Variants in KANK1 observed in about 807,000 individuals in gnomAD.
KANK1 encodes KN motif and ankyrin repeat domain-containing protein 1.
In KANK1, 109 loss-of-function variants were observed where a neutral mutation model predicts 106.2. The ratio of observed to expected loss-of-function variants is 1.03; its 90% CI spans 0.88 to 1.20. The LOEUF (loss-of-function observed/expected upper bound fraction) is 1.20. Among genes scored for constraint, KANK1 ranks in the 50% most tolerant of loss-of-function variants. The probability of loss-of-function intolerance (pLI) is 0.00; values close to 1 mark genes in which losing one functional copy is unlikely to be tolerated. For missense variants in KANK1, 2,399 were observed against 1,710.7 expected (o/e 1.40, Z -7.10); for synonymous variants, 873 against 652.2 (o/e 1.34, Z -5.16).
chr9:609,503 CCCTTAGTCCCG>C (rs1244318054), intron 1 of KANK1, among the ~76,000 whole-genome samples: 1 of 151,844 alleles, frequency 6.6e-6, no homozygotes, highest in Non-Finnish European at 1.5e-5. Context: ...GTGGCGTGCA[CCCTTAGTCCCG>C]GCTACTCAAA....
At chr9:478,628 A>G (rs978155134) in intron 3 of KANK1, among the ~76,000 whole-genome samples, 1 of 152,150 alleles carries the variant, frequency 6.6e-6, no homozygotes, top group African/African-American at 2.4e-5. Flanking sequence ...TTCTCACAAC[A>G]CTGCCACCCC....
intron 2 of KANK1, among the ~76,000 whole-genome samples, chr9:704,713 G>A (rs894199341): frequency 2.6e-5 from 4 of 152,134 alleles, no homozygotes; most frequent in African/African-American, 9.7e-5. Flanking sequence ...AGGTATAGTG[G>A]CTTACACCTG....
chr9:744,463 T>C (rs774703053), intron 10 of KANK1, 28 bp from the exon 11 acceptor site: 22 of 1,600,606 alleles, frequency 1.4e-5, no homozygotes, highest in South Asian at 1.0e-4. Flanking sequence ...AAACCCAACA[T>C]GGCTTGTTCT....
chr9:590,954 A>G (rs771883415), intron 1 of KANK1, among the ~76,000 whole-genome samples: 2 of 151,886 alleles, frequency 1.3e-5, no homozygotes, highest in Non-Finnish European at 2.9e-5. Flanking sequence ...CATCACCAGT[A>G]TGCGAGAGGT....
At chr9:568,503 T>G (rs918893972) in intron 1 of KANK1, among the ~76,000 whole-genome samples, 1 of 152,066 alleles carries the variant, frequency 6.6e-6, no homozygotes, top group African/African-American at 2.4e-5. Flanking sequence ...CAGGCTGGAG[T>G]GCAGTGGCAT....
chr9:738,350 A>G lies in KANK1; in HGVS notation c.3399A>G (p.Pro1133=), dbSNP rs544956324. The G allele has an allele frequency of 5.0e-6, 8 of 1,614,164 alleles. No homozygotes were observed. Among genetic ancestry groups the G allele is most frequent in the Non-Finnish European group, 5.9e-6 (7 of 1,180,032 alleles). Residue 1133 remains proline, a synonymous_variant, in exon 8 of 12, where the codon CCA becomes CCG. Transcript: ENST00000382297. The part of the protein sequence containing the change: ...FRVSSQKSAI[P]AMVGDYIAAF... ...TGTCCAGTCAGAAGTCAGCCATTCC[A>G]GCCATGGTGGGGGACTACATAGCTG...
At chr9:561,837 G>A (rs1318300194) in intron 1 of KANK1, among the ~76,000 whole-genome samples, 2 of 152,184 alleles carry the variant, frequency 1.3e-5, no homozygotes, top group African/African-American at 4.8e-5. Context: ...ACTGTCAAGA[G>A]TCTGTAACAG....
chr9:580,318 C>G (rs927606012), intron 1 of KANK1, among the ~76,000 whole-genome samples: 6 of 152,080 alleles, frequency 3.9e-5, no homozygotes, highest in African/African-American at 9.7e-5. Flanking sequence ...AGCGCGGACC[C>G]GAAGAGTGAG....
At chr9:542,116 A>G (rs576408733) in intron 1 of KANK1, among the ~76,000 whole-genome samples, 8 of 152,238 alleles carry the variant, frequency 5.3e-5, no homozygotes, top group African/African-American at 1.9e-4. Flanking sequence ...AGAGGACCTT[A>G]ATAGAAATTT....
intron 1 of KANK1, among the ~76,000 whole-genome samples, chr9:621,506 A>G (rs142703455): frequency 6.6e-6 from 1 of 152,298 alleles, no homozygotes; most frequent in Non-Finnish European, 1.5e-5. Flanking sequence ...CCACACATAC[A>G]AAAGCCTTTG....
At chr9:709,704 C>G (rs765322266) in intron 2 of KANK1, among the ~76,000 whole-genome samples, 12 of 151,552 alleles carry the variant, frequency 7.9e-5, no homozygotes, top group Non-Finnish European at 1.3e-4. Context: ...CAACCTCCAC[C>G]TCCTGGATTC....
intron 2 of KANK1, among the ~76,000 whole-genome samples, chr9:472,224 C>G (rs1486164006): frequency 6.6e-6 from 1 of 152,202 alleles, no homozygotes; most frequent in Admixed American, 6.5e-5. Context: ...GACCAGTTTC[C>G]CTGACCTCCC....
intron 3 of KANK1, among the ~76,000 whole-genome samples, chr9:717,101 ATG>A (rs1325775576): frequency 6.6e-6 from 1 of 152,080 alleles, no homozygotes; most frequent in Admixed American, 6.6e-5. Context: ...CCTGGGCAAT[ATG>A]GTAAAACCCC....
At chr9:472,055 C>T (rs926743111) in intron 2 of KANK1, among the ~76,000 whole-genome samples, 1 of 152,176 alleles carries the variant, frequency 6.6e-6, no homozygotes, top group Non-Finnish European at 1.5e-5. Flanking sequence ...GAGTCACATC[C>T]CCATACGCCA....
intron 3 of KANK1, among the ~76,000 whole-genome samples, chr9:475,380 A>C (rs193254654): frequency 6.6e-6 from 1 of 152,326 alleles, no homozygotes; most frequent in East Asian, 1.9e-4. Context: ...AAGTATGCCA[A>C]CCTGTAAGAC....
intron 1 of KANK1, among the ~76,000 whole-genome samples, chr9:584,001 G>T (rs1822821246): frequency 6.6e-6 from 1 of 152,082 alleles, no homozygotes; most frequent in Admixed American, 6.6e-5. Context: ...ATTGTGTAGG[G>T]CAAATTAACA....
intron 1 of KANK1, among the ~76,000 whole-genome samples, chr9:603,949 ACT>A (rs1233148010): frequency 2.5e-5 from 3 of 121,900 alleles, no homozygotes; most frequent in African/African-American, 9.1e-5. Context: ...ACAGAGCAAG[ACT>A]CTGTCTCAAA....
intron 1 of KANK1, among the ~76,000 whole-genome samples, chr9:567,456 C>A (rs1314764332): frequency 6.6e-6 from 1 of 152,162 alleles, no homozygotes; most frequent in African/African-American, 2.4e-5. Context: ...ACTAAATTTT[C>A]CCCGAAGTTA....
At position 604,891 on chromosome 9, in the gene KANK1, T is replaced by G; in HGVS notation, c.-83-71999T>G. Among the ~76,000 whole-genome samples the G allele has an allele frequency of 1.3e-5, 2 of 151,858 alleles. 1 individual carries two copies. The highest frequency in any genetic ancestry group is 4.9e-5 in the African/African-American group (2 of 41,136). ...CAGCCATGCAGAACTGTGAGTCAAT[T>G]AAACCTTTTTTCTTCATAAATTGCT... On this transcript the variant is annotated intron_variant, in intron 1 of 11. Transcript: ENST00000382297.
Sources: gnomAD v4.1 joint callset for allele counts (sites outside exome capture counted in the v4.1 genomes callset) on GRCh38, gnomAD v4.1.1 for gene constraint, MANE v1.5 for transcripts, NCBI Gene and HGNC (gene_info 2026-07-23, HGNC 2026-07-21) for gene names.